Variants in ERC1 observed in about 807,000 individuals in gnomAD.
ERC1 encodes the protein RAB6 interacting protein 2.
Under a neutral mutation model 132.0 loss-of-function variants are expected in ERC1, and 56 were observed. That is an observed-to-expected ratio of 0.42 (90% CI 0.34 to 0.53). The LOEUF (loss-of-function observed/expected upper bound fraction) is 0.53. Among genes scored for constraint, ERC1 ranks in the 20% least tolerant of loss-of-function variants. ERC1 has a pLI of 0.03. For missense variants in ERC1, 1,202 were observed against 1,349.9 expected, an observed-to-expected ratio of 0.89 and a Z score of 1.72; for synonymous variants, 478 against 476.1, an observed-to-expected ratio of 1.00 and a Z score of -0.05.
chr12:1,182,124 T>C (rs1384747317), intron 10 of ERC1, 59 bp downstream of exon 10: 1 of 1,529,984 alleles, frequency 6.5e-7, no homozygotes, highest in Non-Finnish European at 8.9e-7. Context: ...TGTCTGTATG[T>C]TGGTGTTTAC....
At chr12:1,127,783 G>A (rs1465538687) in intron 7 of ERC1, among the ~76,000 whole-genome samples, 4 of 152,030 alleles carry the variant, frequency 2.6e-5, no homozygotes, top group Non-Finnish European at 5.9e-5. Flanking sequence ...AGGAGGGATG[G>A]GTATTGGACA....
intron 2 of ERC1, among the ~76,000 whole-genome samples, chr12:1,073,311 T>A (rs571018040): frequency 9.3e-4 from 140 of 150,314 alleles, no homozygotes; most frequent in African/African-American, 3.0e-3. Flanking sequence ...AAAAAAAATT[T>A]AAAAAAATGT....
intron 16 of ERC1, among the ~76,000 whole-genome samples, chr12:1,378,404 A>G (rs537759376): frequency 6.6e-6 from 1 of 152,350 alleles, no homozygotes; most frequent in East Asian, 1.9e-4. Context: ...ATAATCTAAT[A>G]TGAACCCAGT....
intron 12 of ERC1, among the ~76,000 whole-genome samples, chr12:1,206,395 G>C (rs1957354176): frequency 6.6e-6 from 1 of 152,114 alleles, no homozygotes; most frequent in East Asian, 1.9e-4. Context: ...TAATAGTGAT[G>C]CTTAGCTGTA....
chr12:997,099 G>T (rs544329302), intron 1 of ERC1, among the ~76,000 whole-genome samples: 11 of 152,266 alleles, frequency 7.2e-5, no homozygotes, highest in African/African-American at 2.6e-4. Flanking sequence ...AAAAAAATTT[G>T]TAGAGAGACA....
chr12:1,232,728 A>G (rs1263613067), intron 12 of ERC1, among the ~76,000 whole-genome samples: 1 of 150,450 alleles, frequency 6.6e-6, no homozygotes, highest in African/African-American at 2.4e-5. Context: ...GAGTTTCCTG[A>G]TTTTTGTTTC....
At chr12:1,434,331 A>T (rs2047350060) in intron 17 of ERC1, among the ~76,000 whole-genome samples, 1 of 152,272 alleles carries the variant, frequency 6.6e-6, no homozygotes, top group East Asian at 1.9e-4. Flanking sequence ...TAGATATATG[A>T]AGATTCTATA....
intron 15 of ERC1, among the ~76,000 whole-genome samples, chr12:1,335,330 G>A (rs2083221863): frequency 6.6e-6 from 1 of 152,126 alleles, no homozygotes; most frequent in Non-Finnish European, 1.5e-5. Flanking sequence ...AATGCCTCCA[G>A]CTTTTGTTTA....
chr12:1,123,520 G>GA (rs1209320970), intron 7 of ERC1, among the ~76,000 whole-genome samples: 2 of 151,978 alleles, frequency 1.3e-5, no homozygotes, highest in African/African-American at 4.8e-5. Flanking sequence ...TACAGAGATA[G>GA]AAAAAAATTT....
In ERC1 at chr12:1,428,223, C is replaced by G. The variant is rs185884836; in HGVS notation, c.3025-16339C>G. On this transcript the variant is annotated intron_variant, in intron 17 of 18. Transcript: ENST00000360905. ...TCTTTGTACTTTGTACAAAATAAAA[C>G]TCTTCACGTATTACTTGTTTCCCAC... Among the ~76,000 whole-genome samples the G allele has an allele frequency of 3.3e-4, 50 of 152,296 alleles. 3 individuals are homozygous for G. In the South Asian group the frequency reaches 9.5e-3, roughly 29 times the overall value.
chr12:1,449,922 C>T (rs1329307969), intron 18 of ERC1, among the ~76,000 whole-genome samples: 2 of 151,806 alleles, frequency 1.3e-5, no homozygotes, highest in South Asian at 2.1e-4. Flanking sequence ...CAACTCCCCA[C>T]CCCTTTTAAG....
At chr12:1,218,277 C>T (rs564674923) in intron 12 of ERC1, among the ~76,000 whole-genome samples, 1 of 152,250 alleles carries the variant, frequency 6.6e-6, no homozygotes, top group Non-Finnish European at 1.5e-5. Flanking sequence ...TCTGTTAATC[C>T]TATCCCAGTT....
intron 1 of ERC1, among the ~76,000 whole-genome samples, chr12:994,066 CAAAAAAAA>C (rs72073964): frequency 0.011 from 690 of 64,232 alleles, 3 homozygotes; most frequent in African/African-American, 0.031. Flanking sequence ...AACTCCGTCT[CAAAAAAAA>C]AAAAAAAAAA....
chr12:1,055,226 C>T (rs920202974), intron 2 of ERC1, among the ~76,000 whole-genome samples: 1 of 152,026 alleles, frequency 6.6e-6, no homozygotes, highest in Non-Finnish European at 1.5e-5. Flanking sequence ...ATCACCCAGG[C>T]TGGAGTGCAG....
At position 1,409,552 on chromosome 12, in the gene ERC1, A is replaced by G. The variant is rs557845496; in HGVS notation, c.3024+1305A>G. Among the ~76,000 whole-genome samples the G allele has an allele frequency of 3.3e-5, 5 of 152,342 alleles. No homozygotes were observed. In the South Asian group the frequency reaches 6.2e-4, roughly 19 times the overall value. On this transcript the variant is annotated intron_variant, in intron 17 of 18. Transcript: ENST00000360905. ...CTTGGAAAGTAGGAAGAAAAGAAGTATAATGACAAACTACAGTTGTTCCTG... is the reference window on the plus strand; with the variant it reads ...CTTGGAAAGTAGGAAGAAAAGAAGTGTAATGACAAACTACAGTTGTTCCTG...
intron 18 of ERC1, among the ~76,000 whole-genome samples, chr12:1,473,271 C>T (rs1004308996): frequency 9.9e-5 from 15 of 152,160 alleles, no homozygotes; most frequent in Non-Finnish European, 1.8e-4. Context: ...TCGTGATCCA[C>T]CCACCTTGGC....
At chr12:1,168,010 C>T (rs2968876) in intron 8 of ERC1, among the ~76,000 whole-genome samples, 59,355 of 151,928 alleles carry the variant, frequency 0.39, 12,282 homozygotes, top group African/African-American at 0.53. Context: ...CACCGCGCCC[C>T]GTCAGCCTTT....
chr12:1,028,238 A>ATATAGC lies in ERC1; in HGVS notation c.338_343dup (p.Ile113_Ala114dup). Reference sequence around the variant, plus strand: ...ATGACTGCTATGGGTAGTAGCCCCAATATAGCTAGCAGTGGGGTTGCTAGT... The same window carrying ATATAGC: ...ATGACTGCTATGGGTAGTAGCCCCAATATAGCTATAGCTAGCAGTGGGGTTGCTAGT... On this transcript the variant is annotated inframe_insertion, in exon 2 of 19. Coordinates refer to ENST00000360905, the MANE Select transcript of ERC1 (RefSeq NM_178040.4). 6.2e-7 allele frequency: 1 copy of ATATAGC among 1,614,138 alleles called. No homozygotes were observed. Among genetic ancestry groups the ATATAGC allele is most frequent in the South Asian group, 1.1e-5 (1 of 91,074 alleles).
chr12:1,178,112 T>C (rs566645651), intron 8 of ERC1, among the ~76,000 whole-genome samples: 1 of 152,350 alleles, frequency 6.6e-6, no homozygotes, highest in South Asian at 2.1e-4. Flanking sequence ...CTTCAGCATA[T>C]TCACATACCC....
Sources: gnomAD v4.1 joint callset for allele counts (sites outside exome capture counted in the v4.1 genomes callset) on GRCh38, gnomAD v4.1.1 for gene constraint, MANE v1.5 for transcripts, NCBI Gene and HGNC (gene_info 2026-07-23, HGNC 2026-07-21) for gene names.